Variants in PGR observed in about 807,000 individuals in gnomAD.
PGR encodes nuclear receptor subfamily 3 group C member 3.
In PGR, 25 loss-of-function variants were observed where a neutral mutation model predicts 76.1. The ratio of observed to expected loss-of-function variants is 0.33; its 90% CI spans 0.24 to 0.46. The LOEUF (loss-of-function observed/expected upper bound fraction) is 0.46. Among genes scored for constraint, PGR ranks in the 20% least tolerant of loss-of-function variants. The pLI is 1.00. For missense variants in PGR, 1,172 were observed against 1,225.3 expected, an observed-to-expected ratio of 0.96 and a Z score of 0.65; for synonymous variants, 579 against 535.0, an observed-to-expected ratio of 1.08 and a Z score of -1.14.
In PGR at chr11:101,120,991, C is replaced by G. The variant is rs545660323; in HGVS notation, c.1789+5016G>C. Among the ~76,000 whole-genome samples, 6 of 152,238 alleles carry G rather than the reference C, an allele frequency of 3.9e-5. No individual in the cohort carries two copies. In the East Asian group the frequency reaches 1.2e-3, roughly 29 times the overall value. On this transcript the variant is annotated intron_variant, in intron 2 of 7. Transcript: ENST00000325455. Reference sequence around the variant, plus strand: ...ATAACCAAATATGAACAGATGACACCAAATGCTATCTTTTTAACCATTTCT... The same window carrying G: ...ATAACCAAATATGAACAGATGACACGAAATGCTATCTTTTTAACCATTTCT...
chr11:101,108,668 A>T (rs1224042087), intron 2 of PGR, among the ~76,000 whole-genome samples: 1 of 152,198 alleles, frequency 6.6e-6, no homozygotes, highest in Non-Finnish European at 1.5e-5. Flanking sequence ...TACCAGCTCC[A>T]TTACTAACTG....
In PGR at chr11:101,062,619, G is replaced by A. The variant is rs763826973; in HGVS notation, c.2040C>T (p.Asp680=). ...SQRFTFSPGQ[D]IQLIPPLINL... is the part of the protein sequence containing the mutation. ...TGATCAGTGGTGGAATCAACTGTAT[G>A]TCTTGACCTGGTGAAAAAGTGAATC... The change falls in exon 4 of 8, where the codon GAC becomes GAT. Residue 680 remains aspartate (D), a synonymous_variant. Coordinates refer to ENST00000325455, the MANE Select transcript of PGR (RefSeq NM_000926.4). 1.2e-6 allele frequency: 2 copies of A among 1,614,028 alleles called. No individual in the cohort carries two copies. The highest frequency in any genetic ancestry group is 4.5e-5 in the East Asian group (2 of 44,862).
In PGR at chr11:101,127,367, C is replaced by A. The variant is rs1862874773; in HGVS notation, c.1637+67G>T. ...CGCTGGGGCTGGGGCTGAGGGTTGG[C>A]GGCCGCCGCCGCCAACGGAACCGCT... On this transcript the variant is annotated intron_variant, in intron 1 of 7. Transcript: ENST00000325455. 3.2e-6 allele frequency: 4 copies of A among 1,259,744 alleles called. No individual in the cohort carries two copies. The South Asian group carries it at 4.7e-5, about 15-fold the overall frequency. The allele number at this position is 1,259,744 out of a possible 1,614,324, so 78.0% of individuals were successfully genotyped here. A position where few individuals can be genotyped will look rare whatever the true frequency, so the allele number is the denominator to read the frequency against.
chr11:101,060,649 C>T (rs1284374091), intron 4 of PGR, among the ~76,000 whole-genome samples: 1 of 152,168 alleles, frequency 6.6e-6, no homozygotes, highest in African/African-American at 2.4e-5. Context: ...TTCAATAGTG[C>T]TATTCCCAAA....
At chr11:101,074,008 G>A (rs184189466) in intron 3 of PGR, among the ~76,000 whole-genome samples, 5 of 152,078 alleles carry the variant, frequency 3.3e-5, no homozygotes, top group East Asian at 3.9e-4. Context: ...ACCAAAACCC[G>A]GCAGAGAAAC....
chr11:101,088,860 G>T (rs1861583471), intron 3 of PGR, among the ~76,000 whole-genome samples: 2 of 152,310 alleles, frequency 1.3e-5, no homozygotes, highest in Non-Finnish European at 2.9e-5. Flanking sequence ...GCCATGAAAA[G>T]AACGAAGTCA....
At chr11:101,087,510 A>G (rs1270471324) in intron 3 of PGR, among the ~76,000 whole-genome samples, 2 of 152,098 alleles carry the variant, frequency 1.3e-5, no homozygotes, top group Non-Finnish European at 2.9e-5. Context: ...ATGATTCTGG[A>G]TATCAGCCTT....
chr11:101,030,457 T>C lies in PGR; in HGVS notation c.*8659A>G, dbSNP rs549650053. ...TGCCAGGAGAACTGTCAGGCACACATGGATAGATGAAGAGTCTCACCCTCT... is the reference window on the plus strand; with the variant it reads ...TGCCAGGAGAACTGTCAGGCACACACGGATAGATGAAGAGTCTCACCCTCT... On this transcript the variant is annotated 3_prime_UTR_variant, in exon 8 of 8. Transcript: ENST00000325455. 12 of 230,958 alleles carry C rather than the reference T, an allele frequency of 5.2e-5. No homozygotes were observed. The highest frequency in any genetic ancestry group is 7.7e-5 in the Non-Finnish European group (9 of 116,626). The allele number at this position is 230,958 out of a possible 1,614,324, so 14.3% of individuals were successfully genotyped here.
intron 2 of PGR, among the ~76,000 whole-genome samples, chr11:101,097,093 T>C (rs750665613): frequency 1.3e-5 from 2 of 152,214 alleles, no homozygotes; most frequent in Non-Finnish European, 2.9e-5. Context: ...CCTGGGGAGC[T>C]TAATAGAGCA....
chr11:101,047,702 G>C (rs511484), intron 6 of PGR, among the ~76,000 whole-genome samples: 41,276 of 151,998 alleles, frequency 0.27, 5,816 homozygotes, highest in African/African-American at 0.35. Context: ...CCCTGTGGTT[G>C]TCATAGAAAT....
chr11:101,111,795 T>C (rs942446905), intron 2 of PGR, among the ~76,000 whole-genome samples: 4 of 152,102 alleles, frequency 2.6e-5, no homozygotes, highest in African/African-American at 9.7e-5. Context: ...GGGCTGGAGA[T>C]AGAAATTTGG....
Position 101,129,756 on chromosome 11 carries a change from T to A in PGR, c.-686A>T, listed in dbSNP as rs1863039303. 1 of 180,088 alleles carries A rather than the reference T, an allele frequency of 5.6e-6. No individual in the cohort carries two copies. Among genetic ancestry groups the A allele is most frequent in the African/African-American group, 2.4e-5 (1 of 42,384 alleles). The allele number at this position is 180,088 out of a possible 1,614,324, so 11.2% of individuals were successfully genotyped here. A position where few individuals can be genotyped will look rare whatever the true frequency, so the allele number is the denominator to read the frequency against. ...AAGTGAAGCTAGTTCTCATTGAGAA[T>A]GCCACCCACACGCACAAATACAACA... is the stretch of plus-strand genomic sequence containing the variant. On this transcript the variant is annotated 5_prime_UTR_variant, in exon 1 of 8. Transcript: ENST00000325455.
chr11:101,082,434 G>T lies in PGR; in HGVS notation c.1906+9326C>A, dbSNP rs1861343669. On this transcript the variant is annotated intron_variant, in intron 3 of 7. Coordinates refer to ENST00000325455, the MANE Select transcript of PGR (RefSeq NM_000926.4). Reference sequence around the variant, plus strand: ...GGCAGAGGTTGGAACAGTTTGCAGGGCTCAGAAGACAGAAAGATATGGGAA... The same window carrying T: ...GGCAGAGGTTGGAACAGTTTGCAGGTCTCAGAAGACAGAAAGATATGGGAA... Among the ~76,000 whole-genome samples the T allele has an allele frequency of 7.2e-5, 11 of 152,284 alleles. No individual in the cohort carries two copies. In the South Asian group the frequency reaches 2.3e-3, roughly 32 times the overall value.
intron 2 of PGR, among the ~76,000 whole-genome samples, chr11:101,120,474 A>T (rs1271940169): frequency 6.6e-6 from 1 of 152,256 alleles, no homozygotes; most frequent in Admixed American, 6.5e-5. Context: ...GGTTTACTCA[A>T]GTAATAGTGT....
At chr11:101,084,856 A>C (rs1005468978) in intron 3 of PGR, among the ~76,000 whole-genome samples, 3 of 152,194 alleles carry the variant, frequency 2.0e-5, no homozygotes, top group Admixed American at 1.3e-4. Flanking sequence ...AGACTTTAAC[A>C]ACAGTAAAAA....
Position 101,091,844 on chromosome 11 carries a change from C to T in PGR, c.1822G>A (p.Asp608Asn). ...QHNYLCAGRNDCIVDKIRRKN... is the reference protein window; with the variant it reads ...QHNYLCAGRNNCIVDKIRRKN... ...CTGCGGATTTTATCAACGATGCAGT[C>T]ATTTCTTCCAGCACATAAGTAGTTG... Residue 608 changes from aspartate to asparagine, a missense_variant, in exon 3 of 8, where the codon GAC becomes AAC. By Grantham distance (23) the Asp-to-Asn change is conservative. This residue lies in a region of PGR where 40 missense variants were observed against 82.7 expected (regional missense o/e 0.48). Coordinates refer to ENST00000325455, the MANE Select transcript of PGR (RefSeq NM_000926.4). 6.2e-7 allele frequency: 1 copy of T among 1,609,264 alleles called. No homozygotes were observed. The highest frequency in any genetic ancestry group is 8.5e-7 in the Non-Finnish European group (1 of 1,175,700).
At chr11:101,057,558 A>G (rs679275) in intron 4 of PGR, among the ~76,000 whole-genome samples, 108,067 of 152,018 alleles carry the variant, frequency 0.71, 39,302 homozygotes, top group East Asian at 1. Flanking sequence ...TCATTTGGGC[A>G]CCACGTGAAA....
chr11:101,056,871 A>C (rs911745128), intron 4 of PGR, among the ~76,000 whole-genome samples: 1 of 152,242 alleles, frequency 6.6e-6, no homozygotes, highest in Non-Finnish European at 1.5e-5. Flanking sequence ...AGAAGCTTCA[A>C]TATGATTAAG....
chr11:101,055,875 T>C (rs962048436), intron 4 of PGR, among the ~76,000 whole-genome samples: 3 of 152,190 alleles, frequency 2.0e-5, no homozygotes, highest in Admixed American at 2.0e-4. Flanking sequence ...CTTATTACAA[T>C]AACTTTAAAT....
Sources: allele counts gnomAD v4.1 joint callset (sites outside exome capture counted in the v4.1 genomes callset), GRCh38; gene constraint gnomAD v4.1.1; regional missense constraint gnomAD v4.1.1; transcripts MANE v1.5; gene names NCBI Gene and HGNC (gene_info 2026-07-23, HGNC 2026-07-21).